XRCC6: variants seen among roughly 807,000 people sequenced by gnomAD.
XRCC6 encodes the protein DNA repair protein Ku70.
XRCC6 carries 5 observed loss-of-function variants against 65.7 expected under a neutral mutation model. The ratio of observed to expected loss-of-function variants is 0.08; its 90% confidence interval spans 0.04 to 0.16. The LOEUF (loss-of-function observed/expected upper bound fraction) is 0.16. Among genes scored for constraint, XRCC6 ranks in the 10% least tolerant of loss-of-function variants. The pLI is 1.00. For missense variants in XRCC6, 447 were observed against 738.1 expected (o/e 0.61, Z 4.57); for synonymous variants, 270 against 270.6 (o/e 1.00, Z 0.02).
At chr22:41,625,801 C>T (rs1225579030) in intron 2 of XRCC6, among the ~76,000 whole-genome samples, 2 of 152,128 alleles carry the variant, frequency 1.3e-5, no homozygotes, top group Admixed American at 6.5e-5. Flanking sequence ...TGCATTCCAG[C>T]CTGTGTGAGA....
intron 6 of XRCC6, among the ~76,000 whole-genome samples, chr22:41,639,329 C>CTTTTT (rs386395480): frequency 0.22 from 14,085 of 63,736 alleles, 3,917 homozygotes; most frequent in Non-Finnish European, 0.27. Context: ...GATTCTTTTT[C>CTTTTT]TTTTTTTTTT....
At chr22:41,651,822 C>T (rs538096034) in intron 8 of XRCC6, among the ~76,000 whole-genome samples, 2 of 151,738 alleles carry the variant, frequency 1.3e-5, no homozygotes, top group South Asian at 4.2e-4. Flanking sequence ...TTGTTGTTGT[C>T]GCCTAGGCTG....
intron 11 of XRCC6, among the ~76,000 whole-genome samples, 161 bp downstream of exon 11, chr22:41,658,513 C>T (rs2068067058): frequency 6.6e-6 from 1 of 152,198 alleles, no homozygotes; most frequent in Non-Finnish European, 1.5e-5. Context: ...CTTAAACAGC[C>T]AGGGAACAGA....
intron 3 of XRCC6, among the ~76,000 whole-genome samples, chr22:41,630,787 A>G (rs1425562699): frequency 6.6e-6 from 1 of 152,192 alleles, no homozygotes; most frequent in Non-Finnish European, 1.5e-5. Flanking sequence ...GGGTAAGGTC[A>G]CAGATCAACA....
chr22:41,628,965 CAAAA>C (rs11413169), intron 3 of XRCC6, among the ~76,000 whole-genome samples: 4 of 62,732 alleles, frequency 6.4e-5, no homozygotes, highest in Admixed American at 2.9e-4. Context: ...GACTCTGTCT[CAAAA>C]AAAAAAAAAA....
At chr22:41,660,095 T>C (rs2068085916) in intron 11 of XRCC6, among the ~76,000 whole-genome samples, 1 of 152,216 alleles carries the variant, frequency 6.6e-6, no homozygotes, top group Admixed American at 6.5e-5. Flanking sequence ...GGAGCACAGT[T>C]TGGCTCCAGC....
rs1399763117 is a variant in XRCC6 at position 41,633,397 on chromosome 22, A to G, written c.196-2716A>G. The stretch of plus-strand genomic sequence containing the variant: ...TTAACCTTTTTTAGACCGTGGACCT[A>G]TTTTTTTTTTTTTTTGAGACGGAGT... On this transcript the variant is annotated intron_variant, in intron 3 of 12. Coordinates refer to ENST00000360079, the MANE Select transcript of XRCC6 (RefSeq NM_001469.5). 2.9e-5 allele frequency among the ~76,000 whole-genome samples: 4 copies of G among 138,904 alleles called. No individual in the cohort carries two copies. The East Asian group carries it at 8.3e-4, about 29-fold the overall frequency. 91.1% of individuals were successfully genotyped at this position (138,904 alleles called of 152,430 possible). A position where few individuals can be genotyped will look rare whatever the true frequency, so the allele number is the denominator to read the frequency against.
intron 2 of XRCC6, among the ~76,000 whole-genome samples, chr22:41,627,549 C>T (rs1254949870): frequency 7.2e-5 from 10 of 138,792 alleles, no homozygotes; most frequent in African/African-American, 2.5e-4. Context: ...AGACGGAGGT[C>T]GTAGTAAGCC....
At position 41,647,046 on chromosome 22, in the gene XRCC6, C is replaced by T. The variant is rs1276087231; in HGVS notation, c.924C>T (p.Gly308=). 1.7e-5 allele frequency: 28 copies of T among 1,613,960 alleles called. No individual in the cohort carries two copies. Among genetic ancestry groups the T allele is most frequent in the Admixed American group, 8.3e-5 (5 of 59,980 alleles). Residue 308 remains glycine (G), a synonymous_variant, in exon 7 of 13, where the codon GGC becomes GGT. Transcript: ENST00000360079. The part of the protein sequence containing the change: ...TKTRTFNTST[G]GLLLPSDTKR... ...CCCGGACCTTTAATACAAGTACAGGCGGTTTGCTTCTGCCTAGCGATACCA... is the reference window on the plus strand; with the variant it reads ...CCCGGACCTTTAATACAAGTACAGGTGGTTTGCTTCTGCCTAGCGATACCA...
intron 9 of XRCC6, among the ~76,000 whole-genome samples, chr22:41,654,623 G>C (rs1569096389): frequency 6.6e-6 from 1 of 152,226 alleles, no homozygotes; most frequent in African/African-American, 2.4e-5. Context: ...GAACCAGCCA[G>C]TAACTGAACT....
chr22:41,629,273 T>A (rs2067713896), intron 3 of XRCC6, among the ~76,000 whole-genome samples: 1 of 152,170 alleles, frequency 6.6e-6, no homozygotes, highest in Non-Finnish European at 1.5e-5. Flanking sequence ...CAGTGACACT[T>A]AACACATTCA....
chr22:41,640,234 C>T (rs377576367), intron 6 of XRCC6, among the ~76,000 whole-genome samples: 5 of 151,860 alleles, frequency 3.3e-5, no homozygotes, highest in Admixed American at 1.3e-4. Flanking sequence ...CTACAAGCTC[C>T]GCCTCCCGGG....
chr22:41,649,160 A>ATATATATATGTATG (rs1376197191), intron 7 of XRCC6, among the ~76,000 whole-genome samples: 144 of 125,796 alleles, frequency 1.1e-3, no homozygotes, highest in African/African-American at 5.1e-3. Flanking sequence ...ATATATATAT[A>ATATATATATGTATG]TATGTATGTA....
intron 3 of XRCC6, among the ~76,000 whole-genome samples, chr22:41,630,830 A>G (rs1278912848): frequency 6.6e-6 from 1 of 152,224 alleles, no homozygotes; most frequent in African/African-American, 2.4e-5. Context: ...TTCTTAGTAC[A>G]GAACAAAATG....
At chr22:41,637,497 A>C (rs780342411) in intron 5 of XRCC6, 111 bp from the exon 6 acceptor site, 6 of 959,932 alleles carry the variant, frequency 6.3e-6, no homozygotes, top group Non-Finnish European at 4.5e-6. Context: ...AAATGTTAAT[A>C]GTCTAGTTTT....
chr22:41,654,047 C>T (rs1392927971), intron 9 of XRCC6, among the ~76,000 whole-genome samples: 2 of 152,064 alleles, frequency 1.3e-5, no homozygotes, highest in Admixed American at 1.3e-4. Flanking sequence ...TGGTTTAGTT[C>T]CTATACAAAC....
chr22:41,630,300 A>G (rs1441220430), intron 3 of XRCC6, among the ~76,000 whole-genome samples: 7 of 150,462 alleles, frequency 4.7e-5, no homozygotes, highest in African/African-American at 1.5e-4. Flanking sequence ...TTTTTTTGAG[A>G]TGGTGTCTCA....
intron 9 of XRCC6, 129 bp downstream of exon 9, chr22:41,653,819 C>T: frequency 8.1e-7 from 1 of 1,228,474 alleles, no homozygotes; most frequent in Non-Finnish European, 1.1e-6. Context: ...TATTTTTAAG[C>T]TTTCTTGGGT....
chr22:41,622,534 A>T (rs1371714102), intron 2 of XRCC6, among the ~76,000 whole-genome samples: 1 of 152,180 alleles, frequency 6.6e-6, no homozygotes, highest in Non-Finnish European at 1.5e-5. Flanking sequence ...TTGGGAGTGT[A>T]TGTGCAGGCA....
Sources: gnomAD v4.1 joint callset for allele counts (sites outside exome capture counted in the v4.1 genomes callset) on GRCh38, gnomAD v4.1.1 for gene constraint, MANE v1.5 for transcripts, NCBI Gene and HGNC (gene_info 2026-07-23, HGNC 2026-07-21) for gene names.